The following ADAM10 variants were observed in gnomAD, a reference collection of about 807,000 sequenced individuals.
The protein encoded by ADAM10 is disintegrin and metalloproteinase domain-containing protein 10.
A neutral mutation model predicts 90.1 loss-of-function variants in ADAM10; 17 were observed. That is an observed-to-expected ratio of 0.19 (90% CI 0.13 to 0.28). The LOEUF is 0.28. Among genes scored for constraint, ADAM10 ranks in the 10% least tolerant of loss-of-function variants. ADAM10 has a pLI of 1.00. For missense variants in ADAM10, 610 were observed against 914.3 expected, an observed-to-expected ratio of 0.67 and a Z score of 4.29; for synonymous variants, 310 against 298.6, an observed-to-expected ratio of 1.04 and a Z score of -0.40.
rs953908048 is a variant in ADAM10, at chr15:58,596,586, T to C, written c.*961A>G. On this transcript the variant is annotated 3_prime_UTR_variant, in exon 16 of 16. Coordinates refer to ENST00000260408, the MANE Select transcript of ADAM10 (RefSeq NM_001110.4). ...ACATAATTAGCATATTTCAGATATA[T>C]GAAAAACACAAATAAGTAGGCTACA... 6.6e-6 allele frequency: 1 copy of C among 152,602 alleles called. No homozygotes were observed. Among genetic ancestry groups the C allele is most frequent in the Non-Finnish European group, 1.5e-5 (1 of 68,024 alleles). 9.5% of individuals were successfully genotyped at this position (152,602 alleles called of 1,614,324 possible).
intron 2 of ADAM10, among the ~76,000 whole-genome samples, chr15:58,704,772 C>A (rs748930398): frequency 1.3e-5 from 2 of 152,098 alleles, no homozygotes; most frequent in Admixed American, 6.6e-5. Context: ...TGCATCTTAC[C>A]CTCAGAGTAA....
intron 2 of ADAM10, among the ~76,000 whole-genome samples, chr15:58,707,918 A>T (rs1205347485): frequency 1.3e-5 from 2 of 152,010 alleles, no homozygotes; most frequent in Non-Finnish European, 2.9e-5. Flanking sequence ...CTCTACTAAA[A>T]ATATGGAAAT....
chr15:58,621,511 C>G lies in ADAM10; in HGVS notation c.1471G>C (p.Glu491Gln), dbSNP rs918702048. Reference sequence around the variant, plus strand: ...GGTTTCAGTTTGCATTTTCTTCCCTCTGGTTGATTTGCATCGAAGCAGCAT... The same window carrying G: ...GGTTTCAGTTTGCATTTTCTTCCCTGTGGTTGATTTGCATCGAAGCAGCAT... Reference protein sequence around the residue: ...DECCFDANQPEGRKCKLKPGK... With the variant: ...DECCFDANQPQGRKCKLKPGK... The change falls in exon 11 of 16, where the codon GAG becomes CAG. Residue 491 changes from glutamate (E) to glutamine (Q), a missense_variant. Around this residue, in one of 4 missense-constraint regions of ADAM10, gnomAD observed 53 missense variants for 62.0 expected, o/e 0.85. Coordinates refer to ENST00000260408, the MANE Select transcript of ADAM10 (RefSeq NM_001110.4). The G allele has an allele frequency of 4.3e-6, 7 of 1,613,972 alleles. No homozygotes were observed. In the Admixed American group the frequency reaches 6.7e-5, roughly 15 times the overall value.
chr15:58,709,843 A>C (rs1237356105), intron 2 of ADAM10, among the ~76,000 whole-genome samples: 2 of 152,202 alleles, frequency 1.3e-5, no homozygotes, highest in Admixed American at 6.5e-5. Context: ...AAGAATTAAA[A>C]ACAGCCAGAA....
At chr15:58,680,369 T>C (rs1280424198) in intron 3 of ADAM10, among the ~76,000 whole-genome samples, 1 of 152,138 alleles carries the variant, frequency 6.6e-6, no homozygotes, top group Non-Finnish European at 1.5e-5. Context: ...ACAATCCACC[T>C]GCCTCGGCCT....
chr15:58,675,887 T>C (rs1897294635), intron 4 of ADAM10, among the ~76,000 whole-genome samples: 1 of 152,178 alleles, frequency 6.6e-6, no homozygotes, highest in Admixed American at 6.5e-5. Flanking sequence ...CCCCTACCAT[T>C]TGCTTCTTTT....
intron 14 of ADAM10, 156 bp downstream of exon 14, chr15:58,610,141 T>G: frequency 1.4e-6 from 1 of 726,192 alleles, no homozygotes; most frequent in South Asian, 1.6e-5. Context: ...CAGAAGGAAA[T>G]AATAACCAGA....
chr15:58,642,529 C>T (rs1896443495), intron 7 of ADAM10, among the ~76,000 whole-genome samples: 1 of 151,608 alleles, frequency 6.6e-6, no homozygotes, highest in Non-Finnish European at 1.5e-5. Flanking sequence ...ATTAATATAG[C>T]TGACAGAAAT....
intron 15 of ADAM10, 35 bp from the exon 16 acceptor site, chr15:58,597,676 T>C (rs1894995735): frequency 6.2e-7 from 1 of 1,611,528 alleles, no homozygotes; most frequent in African/African-American, 1.3e-5. Context: ...GCAGATTTAT[T>C]TATCATGAGC....
At chr15:58,658,254 C>A (rs1200264369) in intron 5 of ADAM10, among the ~76,000 whole-genome samples, 1 of 151,878 alleles carries the variant, frequency 6.6e-6, no homozygotes, top group East Asian at 1.9e-4. Flanking sequence ...TGTTCCAGTA[C>A]CATTTGTTGA....
rs1555414929 is a variant in ADAM10 at position 58,655,719 on chromosome 15, A to ATATAC, written c.585+9377_585+9378insGTATA. On this transcript the variant is annotated intron_variant, in intron 5 of 15. Transcript: ENST00000260408. Reference sequence around the variant, plus strand: ...TAGTATATATATATATAGTATATATATATATATATATATATATATATTCTT... The same window carrying ATATAC: ...TAGTATATATATATATAGTATATATATATACTATATATATATATATATATATTCTT... Among the ~76,000 whole-genome samples the ATATAC allele has an allele frequency of 6.1e-3, 287 of 46,896 alleles. 5 individuals carry two copies. Among genetic ancestry groups the ATATAC allele is most frequent in the Non-Finnish European group, 7.8e-3 (241 of 30,858 alleles). The allele number at this position is 46,896 out of a possible 152,430, so 30.8% of individuals were successfully genotyped here.
At chr15:58,705,097 C>A (rs1433836516) in intron 2 of ADAM10, among the ~76,000 whole-genome samples, 6 of 152,142 alleles carry the variant, frequency 3.9e-5, no homozygotes, top group Non-Finnish European at 8.8e-5. Flanking sequence ...CCACAAAAAA[C>A]TCTCTTTGAT....
intron 11 of ADAM10, among the ~76,000 whole-genome samples, chr15:58,617,132 A>G (rs1232084953): frequency 6.6e-6 from 1 of 151,996 alleles, no homozygotes; most frequent in Non-Finnish European, 1.5e-5. Context: ...ATAAAAAAAT[A>G]AAATAAAAAT....
intron 2 of ADAM10, among the ~76,000 whole-genome samples, chr15:58,689,284 G>A (rs888168102): frequency 6.6e-6 from 1 of 152,124 alleles, no homozygotes; most frequent in Non-Finnish European, 1.5e-5. Context: ...TTAGGAGTTC[G>A]AGACCAGCCT....
At chr15:58,687,736 C>T (rs1897644283) in intron 2 of ADAM10, among the ~76,000 whole-genome samples, 1 of 151,982 alleles carries the variant, frequency 6.6e-6, no homozygotes, top group Non-Finnish European at 1.5e-5. Context: ...AAGGAACAAA[C>T]TATTGATAAA....
At chr15:58,647,069 C>T (rs6494031) in intron 5 of ADAM10, among the ~76,000 whole-genome samples, 42,925 of 151,780 alleles carry the variant, frequency 0.28, 8,709 homozygotes, top group African/African-American at 0.57. Context: ...TAGAATCATA[C>T]ACCAATGTCT....
intron 4 of ADAM10, among the ~76,000 whole-genome samples, chr15:58,669,269 T>G (rs1221244587): frequency 1.3e-5 from 2 of 152,182 alleles, no homozygotes; most frequent in African/African-American, 4.8e-5. Context: ...CACAGTTTAT[T>G]AAACACTGGT....
rs1894975141 is a variant in ADAM10 at position 58,597,125 on chromosome 15, G to A, written c.*422C>T. 2.5e-6 allele frequency: 1 copy of A among 402,606 alleles called. No homozygotes were observed. The highest frequency in any genetic ancestry group is 4.6e-6 in the Non-Finnish European group (1 of 218,648). The allele number at this position is 402,606 out of a possible 1,614,324, so 24.9% of individuals were successfully genotyped here. ...CAAGGTATGTACATTGGCAAGTGAT[G>A]TCTCCAATGTTGAGGTGGTCGAGCC... On this transcript the variant is annotated 3_prime_UTR_variant, in exon 16 of 16. Coordinates refer to ENST00000260408, the MANE Select transcript of ADAM10 (RefSeq NM_001110.4).
At position 58,595,458 on chromosome 15, in the gene ADAM10, ACTTT is replaced by A. The variant is rs1215425786; in HGVS notation, c.*2085_*2088del. On this transcript the variant is annotated 3_prime_UTR_variant, in exon 16 of 16. Transcript: ENST00000260408. ...AAAAAACCTTACATCTTTGCACAAT[ACTTT>A]ATTTTTTGCAATTTTTAGTAAAAAT... 1 of 152,152 alleles carries A rather than the reference ACTTT, an allele frequency of 6.6e-6. No individual in the cohort carries two copies. Among genetic ancestry groups the A allele is most frequent in the Non-Finnish European group, 1.5e-5 (1 of 67,990 alleles). 9.4% of individuals were successfully genotyped at this position (152,152 alleles called of 1,614,324 possible).
Sources: allele counts gnomAD v4.1 joint callset (sites outside exome capture counted in the v4.1 genomes callset), GRCh38; gene constraint gnomAD v4.1.1; regional missense constraint gnomAD v4.1.1; transcripts MANE v1.5; gene names NCBI Gene and HGNC (gene_info 2026-07-23, HGNC 2026-07-21).